The following MYH15 variants were observed in gnomAD, a reference collection of about 807,000 sequenced individuals.
The protein encoded by MYH15 is myosin-15.
Under a neutral mutation model 240.5 loss-of-function variants are expected in MYH15, and 227 were observed. The observed-to-expected ratio is 0.94, with a 90% confidence interval of 0.85 to 1.05. The LOEUF is 1.05. MYH15 is among the 50% of genes least tolerant of loss of function. The probability of loss-of-function intolerance (pLI) is 0.00; values close to 1 mark genes in which losing one functional copy is unlikely to be tolerated. For missense variants in MYH15, 2,217 were observed against 2,247.5 expected, an observed-to-expected ratio of 0.99 and a Z score of 0.27; for synonymous variants, 785 against 796.7, an observed-to-expected ratio of 0.99 and a Z score of 0.25.
At chr3:108,400,687 T>TA (rs2082497568) in intron 33 of MYH15, among the ~76,000 whole-genome samples, 1 of 152,110 alleles carries the variant, frequency 6.6e-6, no homozygotes, top group Non-Finnish European at 1.5e-5. Context: ...CATGTGTCTG[T>TA]AGTCCCAGCT....
At chr3:108,548,402 A>G in the MYH15 span, among the ~76,000 whole-genome samples, 1 of 152,166 alleles carries the variant, frequency 6.6e-6, no homozygotes, top group African/African-American at 2.4e-5. Context: ...TTTCTTAATA[A>G]GTAAATGTAA....
intron 40 of MYH15, among the ~76,000 whole-genome samples, chr3:108,382,529 CAA>C (rs1467545893): frequency 6.6e-6 from 1 of 152,052 alleles, no homozygotes; most frequent in African/African-American, 2.4e-5. Context: ...GTCCATGGAA[CAA>C]AGATGATTTT....
At chr3:108,484,104 TA>T (rs1469549821) in intron 11 of MYH15, among the ~76,000 whole-genome samples, 2 of 152,226 alleles carry the variant, frequency 1.3e-5, no homozygotes, top group East Asian at 3.8e-4. Context: ...TTTTATTCAT[TA>T]AAAATATAAA....
Position 108,462,824 on chromosome 3 carries a change from C to T in MYH15, c.1864+287G>A, listed in dbSNP as rs185813229. 2.9e-3 allele frequency among the ~76,000 whole-genome samples: 447 copies of T among 151,896 alleles called. 7 individuals carry two copies. Among genetic ancestry groups the T allele is most frequent in the Non-Finnish European group, 3.4e-3 (230 of 67,950 alleles). ...AGATATTTGGGACAATAAGTTATTG[C>T]CCCAAAATCATTCATCAAAACATGT... is the stretch of plus-strand genomic sequence containing the variant. On this transcript the variant is annotated intron_variant, in intron 16 of 40. Transcript: ENST00000693548.
chr3:108,455,171 T>A (rs1358904271), intron 20 of MYH15, among the ~76,000 whole-genome samples: 4 of 152,218 alleles, frequency 2.6e-5, no homozygotes. Flanking sequence ...GACTGCCAGA[T>A]AACACCAAAT....
intron 2 of MYH15, 93 bp from the exon 3 acceptor site, chr3:108,501,948 G>GA (rs2083442020): frequency 2.2e-6 from 3 of 1,373,326 alleles, no homozygotes; most frequent in South Asian, 2.7e-5. Context: ...GACTCAAAAA[G>GA]AAAAAATGAT....
rs781177615 is a variant in MYH15 at position 108,463,135 on chromosome 3, CA to C, written c.1839del (p.Phe613LeufsTer5). On this transcript the variant is annotated frameshift_variant, in exon 16 of 41. Transcript: ENST00000693548. LOFTEE classifies it high-confidence loss of function. ...CCACTGTCAGTACTCATGTAATTTT[CA>C]AAAAGGCTCGCCAGGAGTCTGTTGG... ...KSSNRLLASL[F>X]ENYMSTDSAI... 6.2e-7 allele frequency: 1 copy of C among 1,610,900 alleles called. No homozygotes were observed. Among genetic ancestry groups the C allele is most frequent in the East Asian group, 2.2e-5 (1 of 44,848 alleles).
upstream of MYH15, among the ~76,000 whole-genome samples, chr3:108,512,076 A>G (rs1388769975): frequency 6.6e-6 from 1 of 152,172 alleles, no homozygotes. Context: ...AGAGAAGAAA[A>G]GATGCTCAAG....
chr3:108,405,127 A>T, intron 33 of MYH15: 1 of 322,780 alleles, frequency 3.1e-6, no homozygotes, highest in Non-Finnish European at 5.7e-6. Flanking sequence ...ATCTATACAC[A>T]ATTGTGTATA....
intron 21 of MYH15, among the ~76,000 whole-genome samples, chr3:108,449,680 T>A (rs1204390669): frequency 1.5e-4 from 23 of 152,034 alleles, no homozygotes; most frequent in Admixed American, 1.5e-3. Context: ...TTGGCAAATT[T>A]TTTTAATGTG....
chr3:108,513,457 C>A (rs2083536131), upstream of MYH15, among the ~76,000 whole-genome samples: 1 of 152,136 alleles, frequency 6.6e-6, no homozygotes, highest in African/African-American at 2.4e-5. Context: ...GAGTACCTCA[C>A]TTCTAGGACC....
In MYH15 at chr3:108,464,756, A is replaced by G. The variant is rs773294770; in HGVS notation, c.1613T>C (p.Leu538Pro). Residue 538 changes from leucine to proline, a missense_variant, in exon 15 of 41, where the codon CTG becomes CCG. Transcript: ENST00000693548. ...EECMFPKATD[L>P]TFKTKLFDNH... ...GTCAAAGAGTTTGGTCTTGAAAGTC[A>G]GGTCTGTAGCCTTAGGAAACATACA... 4 of 1,613,926 alleles carry G rather than the reference A, an allele frequency of 2.5e-6. No individual in the cohort carries two copies. The highest frequency in any genetic ancestry group is 3.4e-6 in the Non-Finnish European group (4 of 1,179,860).
At chr3:108,457,897 G>C (rs1352478948) in intron 18 of MYH15, among the ~76,000 whole-genome samples, 1 of 152,094 alleles carries the variant, frequency 6.6e-6, no homozygotes, top group African/African-American at 2.4e-5. Flanking sequence ...AGCCAGGCGT[G>C]GTGGTACATG....
chr3:108,432,982 G>A (rs1398875420), intron 25 of MYH15, among the ~76,000 whole-genome samples: 1 of 152,166 alleles, frequency 6.6e-6, no homozygotes, highest in East Asian at 1.9e-4. Context: ...TGTAAGAAGA[G>A]GGCCACTGTC....
At chr3:108,398,571 C>G (rs1354676239) in intron 35 of MYH15, 66 bp downstream of exon 35, 14 of 1,535,594 alleles carry the variant, frequency 9.1e-6, no homozygotes, top group Non-Finnish European at 1.3e-5. Context: ...CAAGGCCGCC[C>G]CAAGTGTGGG....
rs758050026 is a variant in MYH15, at chr3:108,441,271, G to A, written c.2656-11C>T. ...CAGTGTCTCTTGCTCCTGCCATGATGAGGAGAAAATTGTTGCCAACAGCTG... is the reference window on the plus strand; with the variant it reads ...CAGTGTCTCTTGCTCCTGCCATGATAAGGAGAAAATTGTTGCCAACAGCTG... On this transcript the variant is annotated splice_polypyrimidine_tract_variant and intron_variant, in intron 22 of 40. Transcript: ENST00000693548. 31 of 1,612,932 alleles carry A rather than the reference G, an allele frequency of 1.9e-5. No homozygotes were observed. Among genetic ancestry groups the A allele is most frequent in the Non-Finnish European group, 2.5e-5 (29 of 1,179,306 alleles).
chr3:108,417,065 G>T (rs2082640226), intron 28 of MYH15, 135 bp from the exon 29 acceptor site: 2 of 668,932 alleles, frequency 3.0e-6, no homozygotes, highest in Admixed American at 5.7e-5. Flanking sequence ...GGGTCTGAGA[G>T]TCCTATTATT....
chr3:108,548,858 T>C, the MYH15 span, among the ~76,000 whole-genome samples: 7 of 152,118 alleles, frequency 4.6e-5, no homozygotes, highest in South Asian at 2.1e-4. Context: ...AATCTCTTTT[T>C]ATTCTTAAGT....
In MYH15 at chr3:108,398,659, C is replaced by A. The variant is rs891088990; in HGVS notation, c.5111G>T (p.Arg1704Ile). 1.9e-6 allele frequency: 3 copies of A among 1,613,298 alleles called. No individual in the cohort carries two copies. Among genetic ancestry groups the A allele is most frequent in the Non-Finnish European group, 2.5e-6 (3 of 1,180,044 alleles). The change falls in exon 35 of 41, where the codon AGA becomes ATA. Residue 1704 changes from arginine (R) to isoleucine (I), a missense_variant. Transcript: ENST00000693548. ...SEEELLEATE[R>I]INLFYTQNTS... ...CACCTGGGTATAGAAAAGATTGATT[C>A]TTTCTGTTGCTTCCAGGAGCTCTTC...
Sources: gnomAD v4.1 joint callset for allele counts (sites outside exome capture counted in the v4.1 genomes callset) on GRCh38, gnomAD v4.1.1 for gene constraint, MANE v1.5 for transcripts, NCBI Gene and HGNC (gene_info 2026-07-23, HGNC 2026-07-21) for gene names.